Variants in CYP19A1 observed in about 807,000 individuals in gnomAD.
The protein encoded by CYP19A1 is aromatase.
Under a neutral mutation model 44.4 loss-of-function variants are expected in CYP19A1, and 32 were observed. The ratio of observed to expected loss-of-function variants is 0.72; its 90% CI spans 0.54 to 0.97. CYP19A1 has a LOEUF of 0.97. CYP19A1 is among the 50% of genes least tolerant of loss of function. The probability of loss-of-function intolerance (pLI) is 0.00; values close to 1 mark genes in which losing one functional copy is unlikely to be tolerated. For missense variants in CYP19A1, 598 were observed against 637.8 expected, an observed-to-expected ratio of 0.94 and a Z score of 0.67; for synonymous variants, 212 against 215.6, an observed-to-expected ratio of 0.98 and a Z score of 0.14.
At chr15:51,269,483 G>C (rs2035047033) in intron 1 of CYP19A1, among the ~76,000 whole-genome samples, 2 of 151,874 alleles carry the variant, frequency 1.3e-5, no homozygotes, top group Middle Eastern at 3.4e-3. Flanking sequence ...TCTCCAACTT[G>C]GTTCTTTTTT....
chr15:51,299,147 C>G (rs2036061342), intron 1 of CYP19A1, among the ~76,000 whole-genome samples: 1 of 152,252 alleles, frequency 6.6e-6, no homozygotes, highest in Non-Finnish European at 1.5e-5. Flanking sequence ...TGATGGGCAT[C>G]TTCTGTCTGA....
At chr15:51,214,587 C>T (rs919748167) in intron 8 of CYP19A1, among the ~76,000 whole-genome samples, 6 of 152,174 alleles carry the variant, frequency 3.9e-5, no homozygotes, top group East Asian at 1.9e-4. Flanking sequence ...TTCCCTGGGA[C>T]GATAATTTCC....
intron 1 of CYP19A1, among the ~76,000 whole-genome samples, chr15:51,292,077 T>C (rs2035859958): frequency 6.6e-6 from 1 of 152,190 alleles, no homozygotes; most frequent in Admixed American, 6.5e-5. Context: ...AAGTCTGGAC[T>C]CTTCTTTCAA....
At chr15:51,262,934 T>C (rs1344725592) in intron 1 of CYP19A1, among the ~76,000 whole-genome samples, 1 of 152,076 alleles carries the variant, frequency 6.6e-6, no homozygotes, top group Admixed American at 6.5e-5. Context: ...AAGCAAAATA[T>C]AGATAATCAC....
At chr15:51,287,374 T>C (rs1595759294) in intron 1 of CYP19A1, among the ~76,000 whole-genome samples, 1 of 152,184 alleles carries the variant, frequency 6.6e-6, no homozygotes, top group East Asian at 1.9e-4. Context: ...TTGATACCTG[T>C]GTTCTCTGGC....
chr15:51,279,680 T>A (rs1423844873), intron 1 of CYP19A1, among the ~76,000 whole-genome samples: 1 of 152,164 alleles, frequency 6.6e-6, no homozygotes, highest in Non-Finnish European at 1.5e-5. Context: ...AATTTCTCTT[T>A]GTGGCTTATA....
intron 1 of CYP19A1, among the ~76,000 whole-genome samples, chr15:51,272,732 G>A (rs2035172539): frequency 6.6e-6 from 1 of 152,168 alleles, no homozygotes; most frequent in Non-Finnish European, 1.5e-5. Flanking sequence ...CATGTATGAA[G>A]TTTGTAATTA....
chr15:51,215,321 C>T, intron 7 of CYP19A1, 89 bp from the exon 8 acceptor site: 1 of 1,575,970 alleles, frequency 6.3e-7, no homozygotes, highest in Non-Finnish European at 8.7e-7. Flanking sequence ...TCAACAACCT[C>T]AACAAAATGA....
chr15:51,338,036 A>T (rs1421488741), intron 1 of CYP19A1: 1 of 152,208 alleles, frequency 6.6e-6, no homozygotes, highest in Admixed American at 6.5e-5. Context: ...TGAGTCCTGC[A>T]TCCCAAGAGG....
chr15:51,289,623 A>T (rs753011973), intron 1 of CYP19A1, among the ~76,000 whole-genome samples: 5 of 150,966 alleles, frequency 3.3e-5, no homozygotes, highest in Non-Finnish European at 5.9e-5. Flanking sequence ...TTTTCTCCCC[A>T]CTCTCCAGCC....
At chr15:51,329,681 T>C (rs1049635916) in intron 1 of CYP19A1, among the ~76,000 whole-genome samples, 8 of 152,206 alleles carry the variant, frequency 5.3e-5, no homozygotes, top group African/African-American at 1.9e-4. Context: ...GTGAATCCTG[T>C]GGTCAGGAAG....
chr15:51,236,438 G>T (rs2033398713), intron 3 of CYP19A1, among the ~76,000 whole-genome samples: 1 of 152,092 alleles, frequency 6.6e-6, no homozygotes, highest in Non-Finnish European at 1.5e-5. Context: ...GATGTCTCGG[G>T]TTTTATTTTT....
At chr15:51,308,093 C>A (rs187690743) in intron 1 of CYP19A1, among the ~76,000 whole-genome samples, 3 of 152,272 alleles carry the variant, frequency 2.0e-5, no homozygotes, top group Admixed American at 1.3e-4. Context: ...AGGAGACTGG[C>A]AAGAAGAAGC....
At chr15:51,305,685 TG>T (rs2036202606) in intron 1 of CYP19A1, among the ~76,000 whole-genome samples, 1 of 152,110 alleles carries the variant, frequency 6.6e-6, no homozygotes, top group Non-Finnish European at 1.5e-5. Flanking sequence ...CTCAGCCTCC[TG>T]AGTAGCTGGA....
At chr15:51,227,495 C>G (rs928107665) in intron 4 of CYP19A1, among the ~76,000 whole-genome samples, 1 of 151,836 alleles carries the variant, frequency 6.6e-6, no homozygotes, top group African/African-American at 2.4e-5. Context: ...TATGGCGAAA[C>G]CCCATCGCTA....
intron 1 of CYP19A1, among the ~76,000 whole-genome samples, chr15:51,328,547 G>GGTGCGT (rs966368320): frequency 6.8e-6 from 1 of 147,318 alleles, no homozygotes; most frequent in African/African-American, 2.5e-5. Context: ...ACAGGGCAGG[G>GGTGCGT]GTGTGTGTGT....
intron 1 of CYP19A1, among the ~76,000 whole-genome samples, chr15:51,267,032 G>GAAAA (rs2140945301): frequency 6.6e-6 from 1 of 152,294 alleles, no homozygotes; most frequent in Non-Finnish European, 1.5e-5. Flanking sequence ...ATCTGAGGTG[G>GAAAA]GCAGGAACTT....
chr15:51,280,153 G>T lies in CYP19A1; in HGVS notation c.-38-37203C>A, dbSNP rs964049898. The stretch of plus-strand genomic sequence containing the variant: ...TTTTTTTTTTTTGAGACGGAGTCTC[G>T]CTCTGTCGCCCAGGCTGGAGTGCAG... On this transcript the variant is annotated intron_variant, in intron 1 of 9. Coordinates refer to ENST00000396402, the MANE Select transcript of CYP19A1 (RefSeq NM_000103.4). The T allele has an allele frequency of 3.0e-5, 4 of 134,440 alleles. No homozygotes were observed. The East Asian group carries it at 8.7e-4, about 29-fold the overall frequency. The allele number at this position is 134,440 out of a possible 1,614,324, so 8.3% of individuals were successfully genotyped here. A position where few individuals can be genotyped will look rare whatever the true frequency, so the allele number is the denominator to read the frequency against.
At chr15:51,312,069 A>C (rs2036321429) in intron 1 of CYP19A1, among the ~76,000 whole-genome samples, 1 of 152,238 alleles carries the variant, frequency 6.6e-6, no homozygotes, top group South Asian at 2.1e-4. Context: ...TGAAATGAAG[A>C]TGGTCACAGA....
Sources: gnomAD v4.1 joint callset for allele counts (sites outside exome capture counted in the v4.1 genomes callset) on GRCh38, gnomAD v4.1.1 for gene constraint, MANE v1.5 for transcripts, NCBI Gene and HGNC (gene_info 2026-07-23, HGNC 2026-07-21) for gene names.